AFF1: variants seen among roughly 807,000 people sequenced by gnomAD.
AFF1 encodes the protein ALF transcription elongation factor 1.
In AFF1, 48 loss-of-function variants were observed where a neutral mutation model predicts 121.7. The ratio of observed to expected loss-of-function variants is 0.39; its 90% CI spans 0.31 to 0.50. The LOEUF is 0.50. AFF1 is among the 20% of genes least tolerant of loss of function. The pLI is 0.76. For synonymous variants in AFF1, 613 were observed against 563.0 expected (o/e 1.09, Z -1.26); for missense variants, 1,523 against 1,511.7 (o/e 1.01, Z -0.12).
At position 87,137,497 on chromosome 4, in the gene AFF1, CAG is replaced by C. The variant is rs1729394909; in HGVS notation, c.*1799_*1800del. On this transcript the variant is annotated 3_prime_UTR_variant, in exon 21 of 21. Transcript: ENST00000395146. Reference sequence around the variant, plus strand: ...GACTGTTCTTTGGTTGTCACTAAGTCAGAGGTCTGGTCCCTCATGTTTAGGTG... The same window carrying C: ...GACTGTTCTTTGGTTGTCACTAAGTCAGGTCTGGTCCCTCATGTTTAGGTG... The C allele has an allele frequency of 4.3e-6, 1 of 230,776 alleles. No homozygotes were observed. Among genetic ancestry groups the C allele is most frequent in the Admixed American group, 5.7e-5 (1 of 17,688 alleles). The allele number at this position is 230,776 out of a possible 1,614,324, so 14.3% of individuals were successfully genotyped here.
chr4:87,027,794 T>G (rs1423407875), intron 2 of AFF1, among the ~76,000 whole-genome samples: 2 of 141,444 alleles, frequency 1.4e-5, no homozygotes, highest in African/African-American at 5.3e-5. Flanking sequence ...GTTTTTTTTT[T>G]TTTTTTTTTT....
At chr4:87,040,631 A>G (rs544746747) in intron 2 of AFF1, among the ~76,000 whole-genome samples, 3 of 151,286 alleles carry the variant, frequency 2.0e-5, no homozygotes, top group Non-Finnish European at 4.4e-5. Context: ...CAGTGGCGCA[A>G]TCTCGGCTCA....
rs61071328 is a variant in AFF1 at position 87,013,032 on chromosome 4, CTTTTTTTTT to C, written c.39-33116_39-33108del. ...AACCAGATTGAACTGCTATCAAGTT[CTTTTTTTTT>C]TTTTTTTTTTTTTTTTTGGGAGACG... On this transcript the variant is annotated intron_variant, in intron 2 of 20. Transcript: ENST00000395146. 1.4e-3 allele frequency among the ~76,000 whole-genome samples: 131 copies of C among 93,484 alleles called. 1 individual carries two copies. The highest frequency in any genetic ancestry group is 4.1e-3 in the African/African-American group (95 of 23,258). The allele number at this position is 93,484 out of a possible 152,430, so 61.3% of individuals were successfully genotyped here. A position where few individuals can be genotyped will look rare whatever the true frequency, so the allele number is the denominator to read the frequency against.
At chr4:86,976,211 A>G (rs951320034) in intron 2 of AFF1, among the ~76,000 whole-genome samples, 2 of 152,130 alleles carry the variant, frequency 1.3e-5, no homozygotes, top group Admixed American at 1.3e-4. Context: ...GAGGTTTAAA[A>G]CAATTTGGGT....
At position 87,046,175 on chromosome 4, in the gene AFF1, T is replaced by A. The variant is rs376250804; in HGVS notation, c.48T>A (p.Asn16Lys). 1.1e-5 allele frequency: 18 copies of A among 1,612,926 alleles called. No individual in the cohort carries two copies. Among genetic ancestry groups the A allele is most frequent in the Non-Finnish European group, 1.4e-5 (16 of 1,179,708 alleles). Residue 16 changes from asparagine to lysine, a missense_variant, in exon 3 of 21, where the codon AAT (asparagine) becomes AAA (lysine). Physicochemically the swap from Asn to Lys is moderately conservative, Grantham distance 94. This residue lies in a region of AFF1 where 369 missense variants were observed against 367.2 expected (regional missense o/e 1.00). Coordinates refer to ENST00000395146, the MANE Select transcript of AFF1 (RefSeq NM_001166693.3). ...GTGGCATCTGAAACAGTTTGTACAA[T>A]GACGACAGAAACCTGCTTCGAATTA... is the stretch of plus-strand genomic sequence containing the variant. ...RVNSSGNSLY[N>K]DDRNLLRIRE... is the part of the protein sequence containing the mutation.
intron 4 of AFF1, among the ~76,000 whole-genome samples, chr4:87,072,362 CAAAA>C (rs533054826): frequency 1.8e-5 from 2 of 109,094 alleles, no homozygotes; most frequent in African/African-American, 6.9e-5. Context: ...GACTCCGTCT[CAAAA>C]AAAAAAAAAA....
Position 87,046,174 on chromosome 4 carries a change from A to G in AFF1, c.47A>G (p.Asn16Ser), listed in dbSNP as rs372983027. The G allele has an allele frequency of 4.3e-5, 70 of 1,612,852 alleles. No individual in the cohort carries two copies. Among genetic ancestry groups the G allele is most frequent in the Non-Finnish European group, 5.5e-5 (65 of 1,179,706 alleles). The part of the protein sequence containing the change: ...RVNSSGNSLY[N>S]DDRNLLRIRE... ...TGTGGCATCTGAAACAGTTTGTACA[A>G]TGACGACAGAAACCTGCTTCGAATT... Residue 16 changes from asparagine to serine, a missense_variant, in exon 3 of 21, where the codon AAT (asparagine) becomes AGT (serine). Coordinates refer to ENST00000395146, the MANE Select transcript of AFF1 (RefSeq NM_001166693.3).
At chr4:87,027,089 A>G (rs573171812) in intron 2 of AFF1, among the ~76,000 whole-genome samples, 2 of 152,266 alleles carry the variant, frequency 1.3e-5, no homozygotes, top group African/African-American at 2.4e-5. Context: ...AGAGAAAAGT[A>G]TATTTTAAAG....
rs201899654 is a variant in AFF1, at chr4:87,114,890, C to A, written c.2057C>A (p.Pro686His). ...AAGCACAAGAGCTCCCTCCCTGCCC[C>A]CTCTAAGGCTCTCTCAGGCCCAGAA... is the stretch of plus-strand genomic sequence containing the variant. ...KKKHKSSLPA[P>H]SKALSGPEPA... Residue 686 changes from proline to histidine, a missense_variant, in exon 12 of 21, where the codon CCC becomes CAC. Coordinates refer to ENST00000395146, the MANE Select transcript of AFF1 (RefSeq NM_001166693.3). The A allele has an allele frequency of 3.1e-5, 50 of 1,612,772 alleles. No homozygotes were observed. Among genetic ancestry groups the A allele is most frequent in the Non-Finnish European group, 3.7e-5 (44 of 1,179,550 alleles).
intron 2 of AFF1, among the ~76,000 whole-genome samples, chr4:86,987,325 G>T (rs775802564): frequency 1.2e-4 from 19 of 152,094 alleles, no homozygotes; most frequent in Non-Finnish European, 1.3e-4. Flanking sequence ...TACCTCTGGG[G>T]GCAGGAACTT....
rs1254199553 is a variant in AFF1, at chr4:87,132,322, C to T, written c.3225C>T (p.Asp1075=). 6 of 1,613,328 alleles carry T rather than the reference C, an allele frequency of 3.7e-6. No homozygotes were observed. Among genetic ancestry groups the T allele is most frequent in the East Asian group, 2.2e-5 (1 of 44,786 alleles). Residue 1075 remains aspartate (D), a synonymous_variant, in exon 19 of 21, where the codon GAC becomes GAT. Transcript: ENST00000395146. The stretch of plus-strand genomic sequence containing the variant: ...TGGCGATGTTTCGTTGTAAAAAAGA[C>T]ATAGCAATAAAGTATTCTCGTACTC... ...LNMAMFRCKK[D]IAIKYSRTLN...
rs1215917916 is a variant in AFF1, at chr4:87,082,496, A to G, written c.1060-1624A>G. On this transcript the variant is annotated intron_variant, in intron 4 of 20. Coordinates refer to ENST00000395146, the MANE Select transcript of AFF1 (RefSeq NM_001166693.3). ...CTTCAAGACTCTTTCCAGGAAATTT[A>G]CATGTTTTAAAAACAGACTGCATCT... is the stretch of plus-strand genomic sequence containing the variant. Among the ~76,000 whole-genome samples the G allele has an allele frequency of 3.9e-5, 6 of 152,310 alleles. No individual in the cohort carries two copies. In the South Asian group the frequency reaches 8.3e-4, roughly 21 times the overall value.
chr4:87,092,289 C>T (rs1560616697), intron 7 of AFF1, among the ~76,000 whole-genome samples: 3 of 152,066 alleles, frequency 2.0e-5, no homozygotes, highest in Non-Finnish European at 1.5e-5. Context: ...CTCAAACAAA[C>T]AAAAACCAAA....
intron 2 of AFF1, among the ~76,000 whole-genome samples, chr4:87,009,185 C>G (rs960441738): frequency 6.6e-6 from 1 of 152,254 alleles, no homozygotes; most frequent in African/African-American, 2.4e-5. Context: ...TGACTCTTCT[C>G]AGGCACCTAA....
At chr4:87,113,225 G>T (rs1399115926) in intron 11 of AFF1, among the ~76,000 whole-genome samples, 2 of 152,062 alleles carry the variant, frequency 1.3e-5, no homozygotes, top group African/African-American at 4.8e-5. Flanking sequence ...GCCTCCCTTT[G>T]TATCTTAGAA....
intron 4 of AFF1, among the ~76,000 whole-genome samples, chr4:87,051,898 T>C (rs1180580206): frequency 1.3e-5 from 2 of 152,096 alleles, no homozygotes; most frequent in African/African-American, 4.8e-5. Context: ...ATTGATAATA[T>C]AGTTATAATG....
intron 2 of AFF1, among the ~76,000 whole-genome samples, chr4:87,002,684 C>T (rs932507943): frequency 1.3e-5 from 2 of 152,112 alleles, no homozygotes; most frequent in Non-Finnish European, 2.9e-5. Flanking sequence ...GCTGGGATTA[C>T]AGGCATGAGC....
intron 2 of AFF1, among the ~76,000 whole-genome samples, chr4:86,985,319 T>A (rs1267837391): frequency 1.3e-5 from 2 of 150,240 alleles, no homozygotes; most frequent in Non-Finnish European, 3.0e-5. Context: ...GAGACCAGCC[T>A]GGCCAACATG....
intron 2 of AFF1, among the ~76,000 whole-genome samples, chr4:86,990,044 G>C (rs1349737486): frequency 6.6e-6 from 1 of 152,146 alleles, no homozygotes; most frequent in African/African-American, 2.4e-5. Context: ...GAGACTAGGG[G>C]AGGGATAGCA....
Sources: gnomAD v4.1 joint callset for allele counts (sites outside exome capture counted in the v4.1 genomes callset) on GRCh38, gnomAD v4.1.1 for gene constraint, gnomAD v4.1.1 regional missense constraint, MANE v1.5 for transcripts, NCBI Gene and HGNC (gene_info 2026-07-23, HGNC 2026-07-21) for gene names.